Variants in KLHL29 observed in about 807,000 individuals in gnomAD.
KLHL29 encodes the protein kelch like family member 29.
A neutral mutation model predicts 80.4 loss-of-function variants in KLHL29; 21 were observed. That is an observed-to-expected ratio of 0.26 (90% CI 0.19 to 0.38). The LOEUF is 0.38. Among genes scored for constraint, KLHL29 ranks in the 10% least tolerant of loss-of-function variants. The probability of loss-of-function intolerance (pLI) is 1.00; values close to 1 mark genes in which losing one functional copy is unlikely to be tolerated. For missense variants in KLHL29, 867 were observed against 1,223.9 expected (o/e 0.71, Z 4.35); for synonymous variants, 511 against 526.8 (o/e 0.97, Z 0.41).
At chr2:23,612,662 A>C (rs1198688254) in intron 3 of KLHL29, among the ~76,000 whole-genome samples, 2 of 152,150 alleles carry the variant, frequency 1.3e-5, no homozygotes, top group African/African-American at 4.8e-5. Context: ...GAAATTCTTG[A>C]ACCCGGGAGG....
chr2:23,588,385 G>T (rs1165654052), intron 3 of KLHL29, among the ~76,000 whole-genome samples: 1 of 152,196 alleles, frequency 6.6e-6, no homozygotes, highest in Non-Finnish European at 1.5e-5. Flanking sequence ...TCCGAGGGCT[G>T]CTCCCCACCC....
chr2:23,581,892 G>C (rs1667993715), intron 3 of KLHL29, among the ~76,000 whole-genome samples: 1 of 151,014 alleles, frequency 6.6e-6, no homozygotes. Flanking sequence ...TTAAGTGCTG[G>C]TGTTCACCTT....
chr2:23,565,766 G>A (rs1263918761), intron 3 of KLHL29, among the ~76,000 whole-genome samples: 2 of 152,172 alleles, frequency 1.3e-5, no homozygotes, highest in Admixed American at 6.5e-5. Context: ...TGTATCCACC[G>A]GGCTTCCTGG....
intron 2 of KLHL29, among the ~76,000 whole-genome samples, chr2:23,502,516 G>T (rs988693711): frequency 2.0e-5 from 3 of 152,208 alleles, no homozygotes; most frequent in Non-Finnish European, 2.9e-5. Context: ...CTTGCACAGG[G>T]CCTGGCAGAG....
chr2:23,524,862 T>C (rs1389768934), intron 2 of KLHL29, among the ~76,000 whole-genome samples: 1 of 152,226 alleles, frequency 6.6e-6, no homozygotes, highest in East Asian at 1.9e-4. Flanking sequence ...GAAGGCATTT[T>C]CCATGTGGGG....
At chr2:23,420,771 A>G (rs779053626) in intron 1 of KLHL29, among the ~76,000 whole-genome samples, 2 of 152,022 alleles carry the variant, frequency 1.3e-5, no homozygotes, top group African/African-American at 2.4e-5. Flanking sequence ...TTTTCCAGAA[A>G]TGGCACTGCT....
chr2:23,553,843 G>T (rs558675743), intron 2 of KLHL29, among the ~76,000 whole-genome samples: 1 of 152,242 alleles, frequency 6.6e-6, no homozygotes, highest in Non-Finnish European at 1.5e-5. Flanking sequence ...GGAAACGAAG[G>T]GGGAAAGGTG....
At chr2:23,510,631 G>C (rs930854989) in intron 2 of KLHL29, among the ~76,000 whole-genome samples, 1 of 152,236 alleles carries the variant, frequency 6.6e-6, no homozygotes, top group Non-Finnish European at 1.5e-5. Flanking sequence ...CTGGGAGGGA[G>C]GGAGCAGGAG....
intron 3 of KLHL29, among the ~76,000 whole-genome samples, chr2:23,564,484 C>T (rs1461967474): frequency 6.6e-6 from 1 of 152,240 alleles, no homozygotes; most frequent in Non-Finnish European, 1.5e-5. Context: ...CTGTTTCCTG[C>T]AGGGGCTTGT....
intron 3 of KLHL29, among the ~76,000 whole-genome samples, chr2:23,584,595 G>T (rs1219498576): frequency 6.6e-6 from 1 of 152,226 alleles, no homozygotes; most frequent in Non-Finnish European, 1.5e-5. Flanking sequence ...TCCCAAACTG[G>T]CAGTGCTGGA....
intron 2 of KLHL29, among the ~76,000 whole-genome samples, chr2:23,526,672 C>T (rs1030797324): frequency 6.6e-6 from 1 of 152,176 alleles, no homozygotes; most frequent in African/African-American, 2.4e-5. Flanking sequence ...ACCTTTGTGG[C>T]CTGCCCTCCA....
At chr2:23,478,884 A>G (rs759353853) in intron 2 of KLHL29, among the ~76,000 whole-genome samples, 32 of 151,892 alleles carry the variant, frequency 2.1e-4, no homozygotes, top group Non-Finnish European at 1.5e-5. Context: ...AGAGAACACC[A>G]TGGGCCATGT....
rs113887207 is a variant in KLHL29 at position 23,704,702 on chromosome 2, G to A, written c.2444+839G>A. Among the ~76,000 whole-genome samples the A allele has an allele frequency of 3.9e-5, 6 of 152,278 alleles. No individual in the cohort carries two copies. In the South Asian group the frequency reaches 6.2e-4, roughly 16 times the overall value. On this transcript the variant is annotated intron_variant, in intron 13 of 13. Transcript: ENST00000486442. ...GAATCGCTTGAACCCGGGAGGCGGA[G>A]GTTGCAGTGAGCCGAGATCGCGCCA...
intron 2 of KLHL29, among the ~76,000 whole-genome samples, chr2:23,529,069 C>A (rs534936951): frequency 3.3e-5 from 5 of 152,232 alleles, no homozygotes; most frequent in African/African-American, 1.2e-4. Flanking sequence ...TCTAACCATA[C>A]GTAGGGCCGA....
intron 2 of KLHL29, among the ~76,000 whole-genome samples, chr2:23,537,417 TACAC>T (rs5741924): frequency 0.065 from 9,639 of 148,614 alleles, 372 homozygotes; most frequent in Middle Eastern, 0.13. Flanking sequence ...GGGCAGAAAC[TACAC>T]ACACACACAC....
chr2:23,650,730 A>G (rs756100898), intron 5 of KLHL29, among the ~76,000 whole-genome samples: 18 of 152,224 alleles, frequency 1.2e-4, no homozygotes, highest in Non-Finnish European at 2.4e-4. Flanking sequence ...TTCTCCTGTC[A>G]TGACAGGGGT....
intron 1 of KLHL29, among the ~76,000 whole-genome samples, chr2:23,434,371 A>AAT (rs1308534698): frequency 1.3e-5 from 2 of 149,646 alleles, no homozygotes; most frequent in Admixed American, 6.6e-5. Context: ...TCATGGCCCA[A>AAT]ATCCAGGAGC....
At position 23,492,078 on chromosome 2, in the gene KLHL29, C is replaced by T. The variant is rs537303249; in HGVS notation, c.-46+16411C>T. On this transcript the variant is annotated intron_variant, in intron 2 of 13. Coordinates refer to ENST00000486442, the MANE Select transcript of KLHL29 (RefSeq NM_052920.2). ...AGTTCCTCTGGTACACTGGCCCCAGCGGGAGCTCTAGGATGCAGATCACAC... is the reference window on the plus strand; with the variant it reads ...AGTTCCTCTGGTACACTGGCCCCAGTGGGAGCTCTAGGATGCAGATCACAC... Among the ~76,000 whole-genome samples the T allele has an allele frequency of 1.1e-3, 168 of 152,300 alleles. 2 individuals carry two copies. The highest frequency in any genetic ancestry group is 7.7e-4 in the East Asian group (4 of 5,190).
intron 2 of KLHL29, among the ~76,000 whole-genome samples, chr2:23,485,740 C>T (rs1664917839): frequency 1.3e-5 from 2 of 152,190 alleles, no homozygotes. Flanking sequence ...GGTCCTAACC[C>T]CAGCCCTGCC....
Sources: gnomAD v4.1 joint callset for allele counts (sites outside exome capture counted in the v4.1 genomes callset) on GRCh38, gnomAD v4.1.1 for gene constraint, MANE v1.5 for transcripts, NCBI Gene and HGNC (gene_info 2026-07-23, HGNC 2026-07-21) for gene names.